Variants in PTRH1 observed in about 807,000 individuals in gnomAD.
The protein encoded by PTRH1 is peptidyl-tRNA hydrolase 1 homolog.
In PTRH1, 13 loss-of-function variants were observed where a neutral mutation model predicts 15.7. The observed-to-expected ratio is 0.83, with a 90% CI of 0.54 to 1.31. The LOEUF (loss-of-function observed/expected upper bound fraction) is 1.31. PTRH1 is among the 40% of genes most tolerant of loss of function. The pLI is 0.00. For synonymous variants in PTRH1, 139 were observed against 136.7 expected (o/e 1.02, Z -0.12); for missense variants, 319 against 296.2 (o/e 1.08, Z -0.56).
rs1349752239 is a variant in PTRH1 at position 127,714,405 on chromosome 9, A to AAC, written c.434_435dup (p.Ser146ValfsTer54). Reference sequence around the variant, plus strand: ...TTGGAGTTGAGGCAGCTAATGCAGGAACGGACTCCATTGTGGCCCCTTCAA... The same window carrying AAC: ...TTGGAGTTGAGGCAGCTAATGCAGGAACACGGACTCCATTGTGGCCCCTTCAA... On this transcript the variant is annotated frameshift_variant, in exon 4 of 5. Coordinates refer to ENST00000543175, the MANE Select transcript of PTRH1 (RefSeq NM_001002913.3). LOFTEE classifies it high-confidence loss of function. 6.2e-7 allele frequency: 1 copy of AAC among 1,614,216 alleles called. No individual in the cohort carries two copies. Among genetic ancestry groups the AAC allele is most frequent in the South Asian group, 1.1e-5 (1 of 91,086 alleles).
At chr9:127,711,843 G>A (rs762649918), downstream of PTRH1, 15 of 1,573,440 alleles carry the variant, frequency 9.5e-6, no homozygotes, top group Non-Finnish European at 1.3e-5. Flanking sequence ...TGACTAAGAA[G>A]TGCCAGGAGC....
intron 1 of PTRH1, among the ~76,000 whole-genome samples, chr9:127,697,644 G>C (rs1416416653): frequency 6.6e-6 from 1 of 152,204 alleles, no homozygotes; most frequent in Non-Finnish European, 1.5e-5. Flanking sequence ...CTGGGTGACA[G>C]AGCAAGACTC....
downstream of PTRH1, among the ~76,000 whole-genome samples, chr9:127,709,897 G>A (rs577956620): frequency 4.1e-4 from 63 of 152,286 alleles, no homozygotes; most frequent in East Asian, 1.3e-3. This position sits in a 1 kb window ranked among gnomAD's most constrained non-coding sequence, Gnocchi z 4.7. Flanking sequence ...ATGAAGTGTC[G>A]TGACCAAGGT....
chr9:127,713,091 C>T (rs763991791), downstream of PTRH1: 22 of 1,613,572 alleles, frequency 1.4e-5, no homozygotes, highest in Middle Eastern at 1.6e-4. Flanking sequence ...CCCTACCAGC[C>T]GGGGGATCTA....
chr9:127,710,920 G>A (rs966782691), downstream of PTRH1, among the ~76,000 whole-genome samples: 1 of 152,132 alleles, frequency 6.6e-6, no homozygotes, highest in Non-Finnish European at 1.5e-5. Flanking sequence ...ATTATGGAGG[G>A]GTGGGAGAAA....
At chr9:127,709,574 T>A, downstream of PTRH1, 1 of 1,614,004 alleles carries the variant, frequency 6.2e-7, no homozygotes, top group Non-Finnish European at 8.5e-7. The surrounding 1 kb of genome is among the most constrained non-coding windows in gnomAD (Gnocchi z 4.7). Flanking sequence ...AACGAGCAGC[T>A]CCAGAACTTG....
chr9:127,713,388 C>A, downstream of PTRH1: 1 of 529,390 alleles, frequency 1.9e-6, no homozygotes, highest in Non-Finnish European at 3.2e-6. Context: ...AGCATGCCCA[C>A]ACATGCCCTG....
chr9:127,715,105 C>A lies in PTRH1; in HGVS notation c.186G>T (p.Val62=). 2 of 1,533,792 alleles carry A rather than the reference C, an allele frequency of 1.3e-6. No homozygotes were observed. Among genetic ancestry groups the A allele is most frequent in the East Asian group, 4.9e-5 (2 of 40,884 alleles). The change falls in exon 2 of 5, where the codon GTG becomes GTT. Residue 62 remains valine, a synonymous_variant. Transcript: ENST00000543175. This position sits in a 1 kb window ranked among gnomAD's most constrained non-coding sequence, Gnocchi z 5.8. ...GCCGGTCGCGCGTCCAACTCTCCGC[C>A]ACACCCAGCCGCCGCGCCAGCTGCC... ...VLGQLARRLG[V]AESWTRDRHC... is the part of the protein sequence containing the mutation.
rs1842880271 is a variant in PTRH1 at position 127,714,669 on chromosome 9, T to TCCC, written c.349_350insGGG (p.Tyr117delinsTrpAsp). 1.2e-6 allele frequency: 2 copies of TCCC among 1,613,460 alleles called. No individual in the cohort carries two copies. The highest frequency in any genetic ancestry group is 2.7e-5 in the African/African-American group (2 of 74,856). On this transcript the variant is annotated protein_altering_variant, in exon 3 of 5. Coordinates refer to ENST00000543175, the MANE Select transcript of PTRH1 (RefSeq NM_001002913.3). ...CTTGTCCAGCTCATCATGCACCAGG[T>TCCC]AGACTTCCTCGGCAGTCAGCCCAAA...
At chr9:127,711,913 A>C, downstream of PTRH1, 1 of 1,604,952 alleles carries the variant, frequency 6.2e-7, no homozygotes, top group East Asian at 2.2e-5. Flanking sequence ...GTTGGAGCAG[A>C]GATCCCTGCA....
chr9:127,710,312 T>C (rs1268362851), downstream of PTRH1, among the ~76,000 whole-genome samples: 1 of 151,506 alleles, frequency 6.6e-6, no homozygotes, highest in East Asian at 1.9e-4. Flanking sequence ...AAACAGTTGT[T>C]GTCATTACTG....
chr9:127,713,082 C>G (rs759050313), downstream of PTRH1: 2 of 1,613,866 alleles, frequency 1.2e-6, no homozygotes, highest in Admixed American at 1.7e-5. Context: ...GACATCACCC[C>G]CTACCAGCCG....
chr9:127,699,390 C>G (rs940788785), intron 1 of PTRH1, among the ~76,000 whole-genome samples: 1 of 152,228 alleles, frequency 6.6e-6, no homozygotes, highest in Non-Finnish European at 1.5e-5. Context: ...GGTCACGCGG[C>G]GGATCAGACG....
chr9:127,700,903 C>T (rs1399836385), intron 1 of PTRH1, among the ~76,000 whole-genome samples: 1 of 152,212 alleles, frequency 6.6e-6, no homozygotes, highest in Non-Finnish European at 1.5e-5. Flanking sequence ...TATGAACTGG[C>T]TCTGGCCAAT....
At chr9:127,697,460 G>GACC (rs1842570465) in intron 1 of PTRH1, among the ~76,000 whole-genome samples, 1 of 152,096 alleles carries the variant, frequency 6.6e-6, no homozygotes, top group South Asian at 2.1e-4. Context: ...AGGAGTTCAA[G>GACC]ACCAGCCTGG....
At chr9:127,712,548 C>T (rs565506606), downstream of PTRH1, 13 of 1,523,304 alleles carry the variant, frequency 8.5e-6, no homozygotes, top group African/African-American at 1.7e-4. Flanking sequence ...TTCTCTGAGG[C>T]TCTGAAAGGT....
downstream of PTRH1, chr9:127,711,621 G>A: frequency 7.7e-7 from 1 of 1,296,386 alleles, no homozygotes. Context: ...AGAGAGGACT[G>A]GGCCTCCTGT....
At position 127,713,963 on chromosome 9, in the gene PTRH1, C is replaced by T. The variant is rs1842832278; in HGVS notation, c.*137G>A. The T allele has an allele frequency of 2.5e-6, 4 of 1,585,104 alleles. No homozygotes were observed. In the South Asian group the frequency reaches 3.3e-5, roughly 13 times the overall value. ...ACTGGTCCAGTCACAGTCACCCCCA[C>T]TTTAATCCGCAGGCAGCCTGGAACA... On this transcript the variant is annotated 3_prime_UTR_variant, in exon 5 of 5. Transcript: ENST00000543175.
downstream of PTRH1, chr9:127,712,857 A>G: frequency 1.2e-6 from 2 of 1,612,334 alleles, no homozygotes; most frequent in Admixed American, 1.7e-5. Context: ...TCACAGTCCC[A>G]TGGCCCACCC....
Sources: gnomAD v4.1 joint callset for allele counts (sites outside exome capture counted in the v4.1 genomes callset) on GRCh38, gnomAD v4.1.1 for gene constraint, Gnocchi (gnomAD v3.1) non-coding constraint, MANE v1.5 for transcripts, NCBI Gene and HGNC (gene_info 2026-07-23, HGNC 2026-07-21) for gene names.